The following TMEM201 variants were observed in gnomAD, a reference collection of about 807,000 sequenced individuals.
The protein encoded by TMEM201 is transmembrane protein 201.
A neutral mutation model predicts 63.4 loss-of-function variants in TMEM201; 26 were observed. The observed-to-expected ratio is 0.41, with a 90% CI of 0.30 to 0.57. The LOEUF (loss-of-function observed/expected upper bound fraction) is 0.57, where lower values mean the gene tolerates loss of function less well. TMEM201 is among the 20% of genes least tolerant of loss of function. The pLI is 0.29. For synonymous variants in TMEM201, 417 were observed against 421.6 expected, an observed-to-expected ratio of 0.99 and a Z score of 0.14; for missense variants, 794 against 917.7, an observed-to-expected ratio of 0.87 and a Z score of 1.74.
At chr1:9,609,936 G>T in intron 8 of TMEM201, 25 bp downstream of exon 8, 1 of 1,550,122 alleles carries the variant, frequency 6.5e-7, no homozygotes, top group South Asian at 1.2e-5. Flanking sequence ...GAGCTAAGTG[G>T]GGGACGGGGC....
rs576755922 is a variant in TMEM201 at position 9,607,620 on chromosome 1, G to A, written c.1224G>A (p.Pro408=). The A allele has an allele frequency of 1.8e-5, 28 of 1,551,714 alleles. No individual in the cohort carries two copies. The highest frequency in any genetic ancestry group is 1.5e-4 in the African/African-American group (11 of 73,152). ...GCCCCAGCTTGGCCATCCCTCACCC[G>A]AGTGTCGGAGGCTCTCCAGCGTCTC... The part of the protein sequence containing the change: ...PTSPSLAIPH[P]SVGGSPASLF... Residue 408 remains proline (P), a synonymous_variant, in exon 7 of 11, where the codon CCG becomes CCA. Coordinates refer to ENST00000340381, the MANE Select transcript of TMEM201 (RefSeq NM_001130924.3). The surrounding 1 kb of genome is among the most constrained non-coding windows in gnomAD (Gnocchi z 5.4).
Position 9,613,073 on chromosome 1 carries a change from G to A in TMEM201, c.1991G>A (p.Ser664Asn), listed in dbSNP as rs756385002. Reference protein sequence around the residue: ...ALFTSVFLYQSLR With the variant: ...ALFTSVFLYQNLR The stretch of plus-strand genomic sequence containing the variant: ...TTCACCTCGGTGTTTCTGTACCAGA[G>A]CCTGCGCTGACCCACCGTTGGAGCC... The change falls in exon 11 of 11, where the codon AGC (serine) becomes AAC (asparagine). Residue 664 changes from serine to asparagine, a missense_variant. Physicochemically the swap from Ser to Asn is conservative, Grantham distance 46. Coordinates refer to ENST00000340381, the MANE Select transcript of TMEM201 (RefSeq NM_001130924.3). The A allele has an allele frequency of 1.2e-5, 18 of 1,550,714 alleles. No homozygotes were observed. In the African/African-American group the frequency reaches 2.3e-4, roughly 20 times the overall value.
intron 9 of TMEM201, chr1:9,611,167 A>G (rs1644318878): frequency 4.1e-6 from 3 of 734,690 alleles, no homozygotes; most frequent in South Asian, 1.8e-5. Context: ...AAAACCTACA[A>G]CTTTCAACTT....
At chr1:9,602,576 C>T in intron 6 of TMEM201, 1 of 1,306,328 alleles carries the variant, frequency 7.7e-7, no homozygotes, top group Non-Finnish European at 9.8e-7. Context: ...TGGGCAGCGC[C>T]CACACAGGCT....
chr1:9,609,529 A>G (rs1238618813), intron 7 of TMEM201, among the ~76,000 whole-genome samples: 1 of 152,130 alleles, frequency 6.6e-6, no homozygotes, highest in African/African-American at 2.4e-5. Flanking sequence ...GACTCTTCTC[A>G]CCACCTGCTG....
rs1420689407 is a variant in TMEM201, at chr1:9,610,564, TTCCGTGGCCGGC to T, written c.1527_1538del (p.Gly512_Ala515del). 1 of 1,549,868 alleles carries T rather than the reference TTCCGTGGCCGGC, an allele frequency of 6.5e-7. No individual in the cohort carries two copies. The highest frequency in any genetic ancestry group is 2.4e-5 in the East Asian group (1 of 40,902). The stretch of plus-strand genomic sequence containing the variant: ...CCTCCCCACTCCCTTCCCCAGCGCC[TTCCGTGGCCGGC>T]TCGGTGGCCTCCAGCTCCGGCTCTC... On this transcript the variant is annotated inframe_deletion, in exon 9 of 11. Coordinates refer to ENST00000340381, the MANE Select transcript of TMEM201 (RefSeq NM_001130924.3). This position sits in a 1 kb window ranked among gnomAD's most constrained non-coding sequence, Gnocchi z 4.9.
rs1475823097 is a variant in TMEM201, at chr1:9,602,245, C to T, written c.1133C>T (p.Thr378Met). The T allele has an allele frequency of 1.6e-5, 26 of 1,611,896 alleles. No homozygotes were observed. The highest frequency in any genetic ancestry group is 2.7e-5 in the African/African-American group (2 of 74,904). Reference protein sequence around the residue: ...FTAAVATRKATGPRRFRPRRF... With the variant: ...FTAAVATRKAMGPRRFRPRRF... ...GCGGCTGTGGCCACAAGGAAGGCAA[C>T]GGGCCCACGGAGGTTCCGGCCCCGA... is the stretch of plus-strand genomic sequence containing the variant. Residue 378 changes from threonine to methionine, a missense_variant, in exon 6 of 11, where the codon ACG becomes ATG. Thr to Met is a moderately conservative substitution (Grantham distance 81). Coordinates refer to ENST00000340381, the MANE Select transcript of TMEM201 (RefSeq NM_001130924.3).
rs752219278 is a variant in TMEM201 at position 9,601,483 on chromosome 1, G to T, written c.956+29G>T. Reference sequence around the variant, plus strand: ...TGCATGGGGCCAGGGCCAGGAGTTGGCGGGCAGGGGACTGTGTGCTGGATT... The same window carrying T: ...TGCATGGGGCCAGGGCCAGGAGTTGTCGGGCAGGGGACTGTGTGCTGGATT... On this transcript the variant is annotated intron_variant, in intron 5 of 10. Coordinates refer to ENST00000340381, the MANE Select transcript of TMEM201 (RefSeq NM_001130924.3). 1.5e-5 allele frequency: 24 copies of T among 1,553,208 alleles called. 1 individual carries two copies. Among genetic ancestry groups the T allele is most frequent in the Middle Eastern group, 4.0e-4 (2 of 5,036 alleles).
chr1:9,604,019 A>G lies in TMEM201; in HGVS notation c.1160+1747A>G, dbSNP rs950467908. On this transcript the variant is annotated intron_variant, in intron 6 of 10. Coordinates refer to ENST00000340381, the MANE Select transcript of TMEM201 (RefSeq NM_001130924.3). This position sits in a 1 kb window ranked among gnomAD's most constrained non-coding sequence, Gnocchi z 4.1. ...ATGGTGTCTACCTGAGGGGCAGGGA[A>G]CCGCCTGCCTGTGCACTCACGCCAC... The G allele has an allele frequency of 4.1e-6, 4 of 985,194 alleles. No homozygotes were observed. Among genetic ancestry groups the G allele is most frequent in the Middle Eastern group, 1.0e-3 (2 of 1,936 alleles). The allele number at this position is 985,194 out of a possible 1,614,324, so 61.0% of individuals were successfully genotyped here. A position where few individuals can be genotyped will look rare whatever the true frequency, so the allele number is the denominator to read the frequency against.
At position 9,605,741 on chromosome 1, in the gene TMEM201, A is replaced by C. The variant is rs1250832281; in HGVS notation, c.1161-1816A>C. Reference sequence around the variant, plus strand: ...AGGTGGCCAGGAGATTCAGCCTTTAAGCACTGAGGCAGCCCCGGGTGGTGT... The same window carrying C: ...AGGTGGCCAGGAGATTCAGCCTTTACGCACTGAGGCAGCCCCGGGTGGTGT... On this transcript the variant is annotated intron_variant, in intron 6 of 10. Coordinates refer to ENST00000340381, the MANE Select transcript of TMEM201 (RefSeq NM_001130924.3). The surrounding 1 kb of genome is among the most constrained non-coding windows in gnomAD (Gnocchi z 5.7). Among the ~76,000 whole-genome samples the C allele has an allele frequency of 3.9e-5, 6 of 152,212 alleles. No individual in the cohort carries two copies. The highest frequency in any genetic ancestry group is 6.5e-5 in the Admixed American group (1 of 15,276).
In TMEM201 at chr1:9,604,705, G is replaced by A. The variant is rs1569947645; in HGVS notation, c.1160+2433G>A. ...CCCACCCAGGCCAAGCCGGCCCCCC[G>A]TACCCCTTGCCTGGGAGCAAACCGC... On this transcript the variant is annotated intron_variant, in intron 6 of 10. Transcript: ENST00000340381. This position sits in a 1 kb window ranked among gnomAD's most constrained non-coding sequence, Gnocchi z 4.1. The A allele has an allele frequency of 5.1e-6, 5 of 985,904 alleles. No homozygotes were observed. In the South Asian group the frequency reaches 1.9e-4, roughly 37 times the overall value. 61.1% of individuals were successfully genotyped at this position (985,904 alleles called of 1,614,324 possible).
chr1:9,594,868 T>C (rs1643986913), intron 1 of TMEM201, among the ~76,000 whole-genome samples: 1 of 152,248 alleles, frequency 6.6e-6, no homozygotes, highest in South Asian at 2.1e-4. Context: ...GGCTCCGTCC[T>C]CCTTTCTCTG....
In TMEM201 at chr1:9,596,978, C is replaced by G. The variant is rs146675528; in HGVS notation, c.354C>G (p.Val118=). The G allele has an allele frequency of 6.2e-7, 1 of 1,612,982 alleles. No homozygotes were observed. The highest frequency in any genetic ancestry group is 8.5e-7 in the Non-Finnish European group (1 of 1,179,760). ...SQPQQWVSSQ[V]LLCKRCNHHQ... Reference sequence around the variant, plus strand: ...CGCAGCAGTGGGTGAGCAGCCAAGTCCTGCTGTGCAAGAGGTGCAACCACC... The same window carrying G: ...CGCAGCAGTGGGTGAGCAGCCAAGTGCTGCTGTGCAAGAGGTGCAACCACC... Residue 118 remains valine, a synonymous_variant, in exon 3 of 11, where the codon GTC becomes GTG. Coordinates refer to ENST00000340381, the MANE Select transcript of TMEM201 (RefSeq NM_001130924.3).
At position 9,603,409 on chromosome 1, in the gene TMEM201, G is replaced by A; in HGVS notation, c.1160+1137G>A. On this transcript the variant is annotated intron_variant, in intron 6 of 10. Transcript: ENST00000340381. This position sits in a 1 kb window ranked among gnomAD's most constrained non-coding sequence, Gnocchi z 4.5. Reference sequence around the variant, plus strand: ...CACGTGCAGAGGAAGTTCCCGGCCTGGGGGCTTTATCCAGGGGTCCCAGTC... The same window carrying A: ...CACGTGCAGAGGAAGTTCCCGGCCTAGGGGCTTTATCCAGGGGTCCCAGTC... 1 of 985,536 alleles carries A rather than the reference G, an allele frequency of 1.0e-6. No individual in the cohort carries two copies. Among genetic ancestry groups the A allele is most frequent in the Non-Finnish European group, 1.2e-6 (1 of 830,006 alleles). The allele number at this position is 985,536 out of a possible 1,614,324, so 61.0% of individuals were successfully genotyped here.
Position 9,612,977 on chromosome 1 carries a change from G to A in TMEM201, c.1904-9G>A. On this transcript the variant is annotated splice_polypyrimidine_tract_variant and intron_variant, in intron 10 of 10. Transcript: ENST00000340381. The stretch of plus-strand genomic sequence containing the variant: ...CAAACAATGTTCTGACCAGGTCTCT[G>A]CTTTGCAGGTCGTTTCGGCCCTTCC... 6.4e-7 allele frequency: 1 copy of A among 1,551,538 alleles called. No individual in the cohort carries two copies. The highest frequency in any genetic ancestry group is 8.7e-7 in the Non-Finnish European group (1 of 1,146,914).
chr1:9,597,976 C>G (rs1421297946), intron 3 of TMEM201, among the ~76,000 whole-genome samples: 11 of 152,320 alleles, frequency 7.2e-5, no homozygotes, highest in African/African-American at 2.6e-4. Flanking sequence ...ATTTCAGAAG[C>G]TGAAAGAAAC....
chr1:9,602,543 T>TC (rs1644166236), intron 6 of TMEM201: 1 of 1,368,228 alleles, frequency 7.3e-7, no homozygotes, highest in Non-Finnish European at 9.5e-7. Flanking sequence ...AATGGCCCTT[T>TC]CACTGGCCTG....
chr1:9,603,130 C>T lies in TMEM201; in HGVS notation c.1160+858C>T, dbSNP rs1051469696. ...TCGTTGTCATCCTTTCCCTCCCTGA[C>T]CTGTCACGAGCCTCTGCAGGTGCCT... On this transcript the variant is annotated intron_variant, in intron 6 of 10. Transcript: ENST00000340381. This position sits in a 1 kb window ranked among gnomAD's most constrained non-coding sequence, Gnocchi z 4.5. The T allele has an allele frequency of 4.1e-6, 4 of 985,548 alleles. No individual in the cohort carries two copies. Among genetic ancestry groups the T allele is most frequent in the Non-Finnish European group, 4.8e-6 (4 of 830,014 alleles). The allele number at this position is 985,548 out of a possible 1,614,324, so 61.1% of individuals were successfully genotyped here. A position where few individuals can be genotyped will look rare whatever the true frequency, so the allele number is the denominator to read the frequency against.
Position 9,610,663 on chromosome 1 carries a change from G to A in TMEM201, c.1623G>A (p.Leu541=). Reference sequence around the variant, plus strand: ...TCAACCTGAAGGGACAGAAGCTGCTGCTGTTCCCGTCACCCCCTGGAGAGG... The same window carrying A: ...TCAACCTGAAGGGACAGAAGCTGCTACTGTTCCCGTCACCCCCTGGAGAGG... ...ARLNLKGQKL[L]LFPSPPGEAP... is the part of the protein sequence containing the mutation. Residue 541 remains leucine, a synonymous_variant, in exon 9 of 11, where the codon CTG becomes CTA. Transcript: ENST00000340381. This position sits in a 1 kb window ranked among gnomAD's most constrained non-coding sequence, Gnocchi z 4.9. The A allele has an allele frequency of 6.4e-7, 1 of 1,550,630 alleles. No homozygotes were observed. Among genetic ancestry groups the A allele is most frequent in the Non-Finnish European group, 8.7e-7 (1 of 1,146,906 alleles).
Sources: gnomAD v4.1 joint callset for allele counts (sites outside exome capture counted in the v4.1 genomes callset) on GRCh38, gnomAD v4.1.1 for gene constraint, Gnocchi (gnomAD v3.1) non-coding constraint, MANE v1.5 for transcripts, NCBI Gene and HGNC (gene_info 2026-07-23, HGNC 2026-07-21) for gene names.